CDH5: variants seen among roughly 807,000 people sequenced by gnomAD.
CDH5 encodes cadherin 5.
CDH5 carries 28 observed loss-of-function variants against 62.0 expected under a neutral mutation model. That is an observed-to-expected ratio of 0.45 (90% CI 0.33 to 0.62). The LOEUF (loss-of-function observed/expected upper bound fraction) is 0.62, where lower values mean the gene tolerates loss of function less well. CDH5 is among the 20% of genes least tolerant of loss of function. CDH5 has a pLI of 0.02. For synonymous variants in CDH5, 464 were observed against 445.8 expected (o/e 1.04, Z -0.52); for missense variants, 940 against 1,065.1 (o/e 0.88, Z 1.63).
At chr16:66,382,579 G>A (rs58044782) in intron 2 of CDH5, among the ~76,000 whole-genome samples, 54,030 of 152,008 alleles carry the variant, frequency 0.36, 9,774 homozygotes, top group African/African-American at 0.39. Flanking sequence ...GAGTGAGTCA[G>A]GGAAAGTCCG....
chr16:66,401,278 A>G lies in CDH5; in HGVS notation c.1837+262A>G, dbSNP rs558280109. Among the ~76,000 whole-genome samples the G allele has an allele frequency of 6.6e-5, 10 of 152,314 alleles. No homozygotes were observed. In the South Asian group the frequency reaches 1.9e-3, roughly 28 times the overall value. On this transcript the variant is annotated intron_variant, in intron 11 of 11. Transcript: ENST00000341529. ...CTCCTCCCCCACGCATCAGGCCAGT[A>G]TCACTTTAAAATAACTTATACATAA... is the stretch of plus-strand genomic sequence containing the variant.
intron 1 of CDH5, 98 bp from the exon 2 acceptor site, chr16:66,379,221 T>C: frequency 1.2e-6 from 1 of 863,052 alleles, no homozygotes; most frequent in South Asian, 1.7e-5. Context: ...CCCAGGCTTT[T>C]GGCATTATAT....
chr16:66,392,465 C>CAA, intron 7 of CDH5, 82 bp downstream of exon 7: 1 of 1,555,874 alleles, frequency 6.4e-7, no homozygotes. Context: ...GGCCAGGACT[C>CAA]AGAGAGGGGA....
intron 1 of CDH5, among the ~76,000 whole-genome samples, chr16:66,375,368 C>T (rs990170706): frequency 2.0e-5 from 3 of 151,964 alleles, no homozygotes. Flanking sequence ...TCCACCCCAA[C>T]TATCTCTTCA....
chr16:66,395,018 CTTTTTT>C (rs1174519256), intron 7 of CDH5, among the ~76,000 whole-genome samples: 3 of 13,770 alleles, frequency 2.2e-4, no homozygotes, highest in Non-Finnish European at 3.1e-4. Context: ...CCAGGCTAAT[CTTTTTT>C]TTTTTTTTTT....
chr16:66,367,278 C>T (rs544542304), intron 1 of CDH5, among the ~76,000 whole-genome samples: 1 of 152,370 alleles, frequency 6.6e-6, no homozygotes, highest in East Asian at 1.9e-4. Flanking sequence ...TGGCCCCTCT[C>T]GGTCAGCCAG....
At chr16:66,384,623 G>A (rs2142322927) in intron 2 of CDH5, among the ~76,000 whole-genome samples, 1 of 137,532 alleles carries the variant, frequency 7.3e-6, no homozygotes, top group Admixed American at 8.1e-5. Flanking sequence ...GCTTGGTGGT[G>A]CACACTTGTA....
Position 66,398,047 on chromosome 16 carries a change from GCC to G in CDH5, c.1429_1430del (p.Pro477GlyfsTer12). 1 of 1,614,194 alleles carries G rather than the reference GCC, an allele frequency of 6.2e-7. No individual in the cohort carries two copies. The highest frequency in any genetic ancestry group is 8.5e-7 in the Non-Finnish European group (1 of 1,180,030). On this transcript the variant is annotated frameshift_variant, in exon 9 of 12. Transcript: ENST00000341529. LOFTEE classifies it high-confidence loss of function. ...TGAAGTTTTGGATGAGAATGACAAT[GCC>G]CCGGAGTTTGCCAAGCCCTACCAGC... The part of the protein sequence containing the change: ...HIEVLDENDN[A>X]PEFAKPYQPK...
In CDH5 at chr16:66,392,491, C is replaced by T. The variant is rs1961106423; in HGVS notation, c.1217+108C>T. ...AGAGAGGGGAACTGGCTTCTCCTAG[C>T]ACTTACAGGGAAAGTGACAGAGGCA... On this transcript the variant is annotated intron_variant, in intron 7 of 11. Transcript: ENST00000341529. The T allele has an allele frequency of 3.5e-6, 5 of 1,446,008 alleles. No individual in the cohort carries two copies. In the Admixed American group the frequency reaches 7.6e-5, roughly 22 times the overall value. The allele number at this position is 1,446,008 out of a possible 1,614,324, so 89.6% of individuals were successfully genotyped here.
intron 6 of CDH5, among the ~76,000 whole-genome samples, chr16:66,390,851 G>T (rs1228424875): frequency 1.3e-5 from 2 of 152,214 alleles, no homozygotes. Context: ...CCACTGCGGG[G>T]TAAGTGTGGA....
intron 2 of CDH5, among the ~76,000 whole-genome samples, chr16:66,381,118 G>T (rs1960890927): frequency 6.6e-6 from 1 of 152,178 alleles, no homozygotes; most frequent in African/African-American, 2.4e-5. Flanking sequence ...TTGTGCTGAA[G>T]ATGAAGTTAA....
intron 1 of CDH5, among the ~76,000 whole-genome samples, chr16:66,370,877 C>A (rs1281665102): frequency 6.6e-6 from 1 of 152,148 alleles, no homozygotes; most frequent in Admixed American, 6.5e-5. Context: ...CTGGAAGGGG[C>A]AGGGAAGTGG....
intron 11 of CDH5, among the ~76,000 whole-genome samples, chr16:66,402,376 C>T (rs542944925): frequency 3.2e-4 from 38 of 119,098 alleles, no homozygotes; most frequent in East Asian, 1.1e-3. Flanking sequence ...GTGGGAGTGT[C>T]GGGCGAGGTG....
intron 8 of CDH5, among the ~76,000 whole-genome samples, chr16:66,397,152 ATAT>A (rs1397869984): frequency 2.0e-5 from 3 of 152,122 alleles, no homozygotes; most frequent in African/African-American, 7.2e-5. Context: ...TTTGTGTAAG[ATAT>A]TATATTCCAC....
At chr16:66,374,985 C>T (rs1198232143) in intron 1 of CDH5, among the ~76,000 whole-genome samples, 1 of 151,932 alleles carries the variant, frequency 6.6e-6, no homozygotes, top group Non-Finnish European at 1.5e-5. Context: ...GTGTGATGTG[C>T]ATCTTAATGA....
chr16:66,402,528 A>C, intron 11 of CDH5, 124 bp from the exon 12 acceptor site: 1 of 739,154 alleles, frequency 1.4e-6, no homozygotes, highest in East Asian at 3.0e-5. Flanking sequence ...AGGGGGGGCC[A>C]AAGGGATGGG....
intron 7 of CDH5, chr16:66,395,503 C>CTTTTTTTTTTTTTTTTTT (rs56675642): frequency 2.5e-3 from 204 of 80,862 alleles, no homozygotes; most frequent in East Asian, 3.1e-3. Context: ...CTTTTCTTTT[C>CTTTTTTTTTTTTTTTTTT]TTTTTTTTTT....
At chr16:66,372,953 G>A (rs1459645465) in intron 1 of CDH5, among the ~76,000 whole-genome samples, 3 of 152,166 alleles carry the variant, frequency 2.0e-5, no homozygotes, top group Non-Finnish European at 2.9e-5. Flanking sequence ...CAGCAGCATC[G>A]ATAAGCATCC....
At chr16:66,395,796 C>T in intron 7 of CDH5, 1 of 370,838 alleles carries the variant, frequency 2.7e-6, no homozygotes, top group South Asian at 5.1e-5. Flanking sequence ...ACCTGTTCAG[C>T]TCTGAAAGTG....
Sources: gnomAD v4.1 joint callset for allele counts (sites outside exome capture counted in the v4.1 genomes callset) on GRCh38, gnomAD v4.1.1 for gene constraint, MANE v1.5 for transcripts, NCBI Gene and HGNC (gene_info 2026-07-23, HGNC 2026-07-21) for gene names.